The following ACOXL variants were observed in gnomAD, a reference collection of about 807,000 sequenced individuals.
ACOXL encodes acyl-CoA oxidase like.
Under a neutral mutation model 71.9 loss-of-function variants are expected in ACOXL, and 70 were observed. The ratio of observed to expected loss-of-function variants is 0.97; its 90% CI spans 0.80 to 1.19. ACOXL has a LOEUF of 1.19. Among genes scored for constraint, ACOXL ranks in the 50% most tolerant of loss-of-function variants. The pLI is 0.00. For missense variants in ACOXL, 703 were observed against 736.3 expected (o/e 0.95, Z 0.52); for synonymous variants, 253 against 281.6 (o/e 0.90, Z 1.02).
chr2:110,839,922 A>G (rs1277899396), intron 9 of ACOXL, among the ~76,000 whole-genome samples: 1 of 151,966 alleles, frequency 6.6e-6, no homozygotes, highest in Non-Finnish European at 1.5e-5. Context: ...CTTAAGCTTA[A>G]GGTGCAACTT....
chr2:110,776,648 A>T (rs1453757026), intron 2 of ACOXL, among the ~76,000 whole-genome samples: 6 of 152,050 alleles, frequency 3.9e-5, no homozygotes, highest in Admixed American at 2.6e-4. Flanking sequence ...GTCAGTCACC[A>T]TGTGGTGTGA....
At chr2:110,901,673 C>CAT (rs1259759770) in intron 10 of ACOXL, among the ~76,000 whole-genome samples, 4 of 139,524 alleles carry the variant, frequency 2.9e-5, no homozygotes, top group African/African-American at 1.1e-4. Context: ...CACACACACA[C>CAT]ATATACACTC....
intron 17 of ACOXL, chr2:111,094,132 T>C (rs562848144): frequency 1.3e-5 from 2 of 152,314 alleles, no homozygotes; most frequent in South Asian, 4.1e-4. Context: ...TACTTAGACA[T>C]ATTAATAAAC....
chr2:110,871,984 A>G (rs1454160482), intron 10 of ACOXL, among the ~76,000 whole-genome samples: 2 of 152,230 alleles, frequency 1.3e-5, no homozygotes, highest in Non-Finnish European at 2.9e-5. Flanking sequence ...ATTCAACTGT[A>G]ATGATTGTCA....
In ACOXL at chr2:111,109,598, A is replaced by G. The variant is rs575691103; in HGVS notation, c.1543-8018A>G. 1.2e-3 allele frequency among the ~76,000 whole-genome samples: 173 copies of G among 147,194 alleles called. 1 individual carries two copies. Among genetic ancestry groups the G allele is most frequent in the African/African-American group, 4.2e-3 (167 of 39,660 alleles). ...TTTTCAGATCTAGAATTTTCCTTTC[A>G]TTCTTTCTTAGGAGTTACATTTATC... On this transcript the variant is annotated intron_variant, in intron 17 of 17. Coordinates refer to ENST00000439055, the MANE Select transcript of ACOXL (RefSeq NM_001142807.4).
At position 111,118,442 on chromosome 2, in the gene ACOXL, G is replaced by C. The variant is rs749694352; in HGVS notation, c.*626G>C. Among the ~76,000 whole-genome samples, 2 of 152,328 alleles carry C rather than the reference G, an allele frequency of 1.3e-5. No individual in the cohort carries two copies. The highest frequency in any genetic ancestry group is 2.1e-4 in the South Asian group (1 of 4,824). Reference sequence around the variant, plus strand: ...TTGTCCTCCCAGGCCGGCGGTTTCCGTACGGCAAGACAAGGCGCGGAAAAC... The same window carrying C: ...TTGTCCTCCCAGGCCGGCGGTTTCCCTACGGCAAGACAAGGCGCGGAAAAC... On this transcript the variant is annotated 3_prime_UTR_variant, in exon 18 of 18. Transcript: ENST00000439055.
intron 12 of ACOXL, among the ~76,000 whole-genome samples, chr2:110,948,029 G>A (rs185151919): frequency 6.6e-6 from 1 of 152,330 alleles, no homozygotes; most frequent in Admixed American, 6.5e-5. Context: ...CACATCAGTG[G>A]AGACCCTTCT....
chr2:111,095,201 T>C (rs547921450), intron 17 of ACOXL, among the ~76,000 whole-genome samples: 49 of 133,124 alleles, frequency 3.7e-4, no homozygotes, highest in South Asian at 2.7e-3. Context: ...TTTGGGAAGA[T>C]GGAAGAATAC....
chr2:111,107,851 G>T (rs1005702546), intron 17 of ACOXL, among the ~76,000 whole-genome samples: 1 of 152,198 alleles, frequency 6.6e-6, no homozygotes, highest in Non-Finnish European at 1.5e-5. Context: ...TTCTGAGTTC[G>T]TTTGGGCCCA....
Position 110,911,839 on chromosome 2 carries a change from C to T in ACOXL, c.905+2934C>T, listed in dbSNP as rs572123237. The stretch of plus-strand genomic sequence containing the variant: ...ATCTAATTTTTCCATGTCTATTTAA[C>T]ATCATGTTGAGGTTCTAGTCAAGAC... On this transcript the variant is annotated intron_variant, in intron 11 of 17. Coordinates refer to ENST00000439055, the MANE Select transcript of ACOXL (RefSeq NM_001142807.4). Among the ~76,000 whole-genome samples, 3 of 152,156 alleles carry T rather than the reference C, an allele frequency of 2.0e-5. No homozygotes were observed. In the South Asian group the frequency reaches 6.2e-4, roughly 31 times the overall value.
chr2:110,910,575 G>T (rs1574084483), intron 11 of ACOXL, among the ~76,000 whole-genome samples: 1 of 152,166 alleles, frequency 6.6e-6, no homozygotes, highest in Admixed American at 6.5e-5. Context: ...CAAGCAACAT[G>T]TGAGAGTTTC....
At chr2:111,004,735 A>G (rs2063793104) in intron 14 of ACOXL, among the ~76,000 whole-genome samples, 1 of 152,244 alleles carries the variant, frequency 6.6e-6, no homozygotes, top group Admixed American at 6.5e-5. Flanking sequence ...CCAATCAGGG[A>G]TCTTGATCCA....
chr2:110,879,840 G>A (rs926563110), intron 10 of ACOXL, among the ~76,000 whole-genome samples: 1 of 152,058 alleles, frequency 6.6e-6, no homozygotes, highest in African/African-American at 2.4e-5. Flanking sequence ...TAGAGGAAAA[G>A]ACATAGATTG....
chr2:110,917,471 G>A (rs1400462719), intron 11 of ACOXL, among the ~76,000 whole-genome samples: 1 of 152,190 alleles, frequency 6.6e-6, no homozygotes, highest in African/African-American at 2.4e-5. Flanking sequence ...AAAACTGGAA[G>A]CATTCCCTTT....
chr2:110,938,914 A>T (rs932849554), intron 12 of ACOXL, among the ~76,000 whole-genome samples: 1 of 152,016 alleles, frequency 6.6e-6, no homozygotes, highest in Non-Finnish European at 1.5e-5. Flanking sequence ...CCTACAGACT[A>T]CTCATAATGA....
intron 13 of ACOXL, among the ~76,000 whole-genome samples, chr2:110,994,870 CA>C (rs1481900149): frequency 6.6e-6 from 1 of 152,098 alleles, no homozygotes; most frequent in Non-Finnish European, 1.5e-5. Flanking sequence ...TGATGTTCCC[CA>C]ACAAAACCTG....
intron 10 of ACOXL, among the ~76,000 whole-genome samples, chr2:110,864,998 CAGGA>C (rs1399436835): frequency 2.0e-5 from 3 of 151,164 alleles, no homozygotes. Flanking sequence ...TGGGAAGTGA[CAGGA>C]AGGCCGTTGC....
At chr2:110,913,591 G>A (rs1360148906) in intron 11 of ACOXL, among the ~76,000 whole-genome samples, 1 of 152,148 alleles carries the variant, frequency 6.6e-6, no homozygotes, top group East Asian at 1.9e-4. Flanking sequence ...GGTTGCCAGG[G>A]ACTGAGGGGT....
intron 2 of ACOXL, among the ~76,000 whole-genome samples, chr2:110,781,380 G>A (rs924017984): frequency 7.9e-5 from 12 of 151,822 alleles, no homozygotes; most frequent in African/African-American, 1.7e-4. Flanking sequence ...AGTCGTTCAC[G>A]CCTGTAATCC....
Sources: allele counts gnomAD v4.1 joint callset (sites outside exome capture counted in the v4.1 genomes callset), GRCh38; gene constraint gnomAD v4.1.1; transcripts MANE v1.5; gene names NCBI Gene and HGNC (gene_info 2026-07-23, HGNC 2026-07-21).